Variants in ASH1L observed in about 807,000 individuals in gnomAD.
The protein encoded by ASH1L is ASH1 like histone lysine methyltransferase, also known as histone-lysine N-methyltransferase ASH1L.
Under a neutral mutation model 269.0 loss-of-function variants are expected in ASH1L, and 23 were observed. The observed-to-expected ratio is 0.09, with a 90% CI of 0.06 to 0.12. The LOEUF (loss-of-function observed/expected upper bound fraction) is 0.12, where lower values mean the gene tolerates loss of function less well. Ranked by LOEUF, ASH1L falls within the 10% of genes least tolerant of loss-of-function variation. The pLI is 1.00. For synonymous variants in ASH1L, 1,187 were observed against 1,253.5 expected, an observed-to-expected ratio of 0.95 and a Z score of 1.12; for missense variants, 2,912 against 3,567.8, an observed-to-expected ratio of 0.82 and a Z score of 4.68.
At chr1:155,359,304 G>A (rs911613146) in intron 13 of ASH1L, among the ~76,000 whole-genome samples, 1 of 151,866 alleles carries the variant, frequency 6.6e-6, no homozygotes, top group African/African-American at 2.4e-5. Context: ...CTTTTTTTGA[G>A]CTGAAGTCTC....
intron 1 of ASH1L, among the ~76,000 whole-genome samples, chr1:155,529,438 G>A (rs772169252): frequency 2.0e-5 from 3 of 150,268 alleles, no homozygotes; most frequent in Non-Finnish European, 4.4e-5. Flanking sequence ...TTTCTTGAAT[G>A]ATCAGTGATG....
intron 6 of ASH1L, 73 bp downstream of exon 6, chr1:155,415,670 GT>G (rs1434549853): frequency 2.7e-6 from 4 of 1,488,914 alleles, no homozygotes; most frequent in Admixed American, 3.7e-5. Flanking sequence ...AATCTATATT[GT>G]TTTTTGATAG....
chr1:155,365,946 C>G (rs1655383891), intron 12 of ASH1L, among the ~76,000 whole-genome samples: 1 of 152,234 alleles, frequency 6.6e-6, no homozygotes, highest in African/African-American at 2.4e-5. Context: ...CTGTTTACCC[C>G]TAAGGATTAA....
At chr1:155,438,176 A>G (rs1022627698) in intron 5 of ASH1L, 151 bp downstream of exon 5, 36 of 807,374 alleles carry the variant, frequency 4.5e-5, no homozygotes, top group South Asian at 4.5e-5. Context: ...AACTTGTAAA[A>G]GCAATACATA....
chr1:155,557,528 C>T (rs935839041), intron 1 of ASH1L, among the ~76,000 whole-genome samples: 12 of 152,066 alleles, frequency 7.9e-5, no homozygotes, highest in Non-Finnish European at 1.8e-4. Context: ...GATCCGCCCA[C>T]CTCGGCCTCC....
chr1:155,467,312 C>T (rs1399651897), intron 3 of ASH1L, among the ~76,000 whole-genome samples: 1 of 152,118 alleles, frequency 6.6e-6, no homozygotes, highest in Non-Finnish European at 1.5e-5. Flanking sequence ...AACATACATA[C>T]ATAAATTAAA....
chr1:155,423,130 G>A (rs1377314478), intron 5 of ASH1L, among the ~76,000 whole-genome samples: 1 of 150,334 alleles, frequency 6.7e-6, no homozygotes, highest in Non-Finnish European at 1.5e-5. Flanking sequence ...TGCATTTTTA[G>A]TAGAGACAGT....
At chr1:155,538,589 G>T (rs1436654303) in intron 1 of ASH1L, among the ~76,000 whole-genome samples, 1 of 145,566 alleles carries the variant, frequency 6.9e-6, no homozygotes, top group Non-Finnish European at 1.5e-5. Flanking sequence ...TGATCTGCCC[G>T]CCTCGGCCTT....
intron 5 of ASH1L, among the ~76,000 whole-genome samples, chr1:155,427,677 G>C (rs1661262959): frequency 6.6e-6 from 1 of 152,028 alleles, no homozygotes; most frequent in Non-Finnish European, 1.5e-5. Context: ...GACCTCAGGT[G>C]ATCCACCCAC....
intron 3 of ASH1L, among the ~76,000 whole-genome samples, chr1:155,466,014 T>C (rs1664665198): frequency 6.6e-6 from 1 of 152,192 alleles, no homozygotes; most frequent in South Asian, 2.1e-4. Flanking sequence ...CTAAATGCAC[T>C]ACAAGAGAGT....
intron 1 of ASH1L, among the ~76,000 whole-genome samples, chr1:155,540,623 G>A (rs1205675800): frequency 1.3e-5 from 2 of 152,090 alleles, no homozygotes; most frequent in Non-Finnish European, 2.9e-5. Flanking sequence ...GCAAAAATTA[G>A]CTGGATATGG....
chr1:155,353,071 T>C (rs1654069617), intron 16 of ASH1L, among the ~76,000 whole-genome samples: 1 of 152,214 alleles, frequency 6.6e-6, no homozygotes, highest in African/African-American at 2.4e-5. Context: ...CTTAGCTTAG[T>C]GCTCAAATGC....
intron 5 of ASH1L, among the ~76,000 whole-genome samples, chr1:155,423,459 C>T (rs914402172): frequency 2.0e-5 from 3 of 151,900 alleles, no homozygotes; most frequent in Non-Finnish European, 4.4e-5. Context: ...GTCCCAGCTA[C>T]TCGGGAGGCT....
At chr1:155,416,580 G>A (rs1660228625) in intron 5 of ASH1L, among the ~76,000 whole-genome samples, 1 of 151,836 alleles carries the variant, frequency 6.6e-6, no homozygotes, top group South Asian at 2.1e-4. Context: ...CTGTTGCCCA[G>A]GCTGGAGTGC....
At chr1:155,485,066 C>T (rs1273784780) in intron 2 of ASH1L, among the ~76,000 whole-genome samples, 2 of 151,332 alleles carry the variant, frequency 1.3e-5, no homozygotes, top group Non-Finnish European at 2.9e-5. Context: ...TGAGAGCAGT[C>T]GAACATGGTG....
At chr1:155,511,596 C>T (rs906687624) in intron 2 of ASH1L, among the ~76,000 whole-genome samples, 2 of 152,206 alleles carry the variant, frequency 1.3e-5, no homozygotes, top group African/African-American at 2.4e-5. Flanking sequence ...ACCTCCGCCT[C>T]CCGGGCTGAA....
chr1:155,414,764 A>G (rs1344195182), intron 6 of ASH1L, among the ~76,000 whole-genome samples: 1 of 152,194 alleles, frequency 6.6e-6, no homozygotes, highest in African/African-American at 2.4e-5. Flanking sequence ...TCCTTTTTAC[A>G]TGCTGTTCTG....
Position 155,338,126 on chromosome 1 carries a change from G to T in ASH1L, c.8766C>A (p.Ile2922=), listed in dbSNP as rs1277713262. 1 of 1,614,080 alleles carries T rather than the reference G, an allele frequency of 6.2e-7. No individual in the cohort carries two copies. The highest frequency in any genetic ancestry group is 8.5e-7 in the Non-Finnish European group (1 of 1,179,984). The change falls in exon 27 of 28, where the codon ATC becomes ATA. Residue 2922 remains isoleucine, a synonymous_variant. Transcript: ENST00000392403. ...GGATTTTTTCAAGGAGATTGAGCAA[G>T]ATCTGGTTGAGTCGTTCCCGTTGGT... is the stretch of plus-strand genomic sequence containing the variant. The part of the protein sequence containing the change: ...RHNQRERLNQ[I]LLNLLEKIPG...
intron 6 of ASH1L, among the ~76,000 whole-genome samples, chr1:155,398,664 A>C (rs1396944769): frequency 6.6e-6 from 1 of 152,198 alleles, no homozygotes; most frequent in East Asian, 1.9e-4. Context: ...CAAAAAAGCC[A>C]AAATGCTAGG....
Sources: gnomAD v4.1 joint callset for allele counts (sites outside exome capture counted in the v4.1 genomes callset) on GRCh38, gnomAD v4.1.1 for gene constraint, MANE v1.5 for transcripts, NCBI Gene and HGNC (gene_info 2026-07-23, HGNC 2026-07-21) for gene names.